Variants in CASD1 observed in about 807,000 individuals in gnomAD.
CASD1 encodes N-acetylneuraminate (7)9-O-acetyltransferase.
In CASD1, 41 loss-of-function variants were observed where a neutral mutation model predicts 100.0. The observed-to-expected ratio is 0.41, with a 90% confidence interval of 0.32 to 0.53. The LOEUF (loss-of-function observed/expected upper bound fraction) is 0.53. Ranked by LOEUF, CASD1 falls within the 20% of genes least tolerant of loss-of-function variation. The probability of loss-of-function intolerance (pLI) is 0.25; values close to 1 mark genes in which losing one functional copy is unlikely to be tolerated. For missense variants in CASD1, 774 were observed against 948.7 expected (o/e 0.82, Z 2.42); for synonymous variants, 321 against 315.6 (o/e 1.02, Z -0.18).
chr7:94,537,405 A>G, intron 8 of CASD1, 67 bp from the exon 9 acceptor site: 2 of 1,415,006 alleles, frequency 1.4e-6, no homozygotes, highest in Non-Finnish European at 1.9e-6. Context: ...TAGTATTCAC[A>G]GGAGAAAATT....
chr7:94,565,987 T>A, the CASD1 span, among the ~76,000 whole-genome samples: 1 of 152,122 alleles, frequency 6.6e-6, no homozygotes, highest in Non-Finnish European at 1.5e-5. Context: ...AGATTACCAT[T>A]GGAAGTGTCA....
At chr7:94,587,913 G>A in the CASD1 span, 3 of 1,468,588 alleles carry the variant, frequency 2.0e-6, no homozygotes, top group Non-Finnish European at 2.7e-6. Flanking sequence ...TTACTTAATA[G>A]TTTCCCTACC....
the CASD1 span, among the ~76,000 whole-genome samples, chr7:94,566,464 A>C: frequency 1.2e-5 from 1 of 86,342 alleles, no homozygotes; most frequent in South Asian, 3.7e-4. Context: ...AGTCAAATTG[A>C]AAAAAAAAAC....
intron 3 of CASD1, among the ~76,000 whole-genome samples, 177 bp from the exon 4 acceptor site, chr7:94,526,985 G>A (rs1423759638): frequency 6.6e-6 from 1 of 152,136 alleles, no homozygotes; most frequent in Non-Finnish European, 1.5e-5. Flanking sequence ...GTGTCACTTT[G>A]TTGTGTTCTA....
chr7:94,627,252 G>A, the CASD1 span: 1 of 152,034 alleles, frequency 6.6e-6, no homozygotes, highest in Admixed American at 6.6e-5. Context: ...CCTCTGAAAG[G>A]CTGTATTCTT....
chr7:94,578,505 T>C, the CASD1 span, among the ~76,000 whole-genome samples: 1 of 152,184 alleles, frequency 6.6e-6, no homozygotes. Context: ...CCACTTTTTT[T>C]CTGTTGGCCT....
chr7:94,613,199 T>C, the CASD1 span, among the ~76,000 whole-genome samples: 2 of 152,198 alleles, frequency 1.3e-5, no homozygotes. Flanking sequence ...AAAAGTATAT[T>C]TATGGCTTCT....
the CASD1 span, chr7:94,629,813 G>A: frequency 4.2e-5 from 68 of 1,610,674 alleles, no homozygotes; most frequent in African/African-American, 2.7e-4. Flanking sequence ...CATTCCGATC[G>A]GAGTGTACCT....
chr7:94,561,462 G>A (rs1160496751), downstream of CASD1, among the ~76,000 whole-genome samples: 3 of 152,042 alleles, frequency 2.0e-5, no homozygotes, highest in Non-Finnish European at 4.4e-5. Flanking sequence ...GGAATTGCGG[G>A]GAGGGCAAAG....
intron 5 of CASD1, 87 bp from the exon 6 acceptor site, chr7:94,533,118 A>G: frequency 1.1e-6 from 1 of 882,822 alleles, no homozygotes; most frequent in Non-Finnish European, 1.7e-6. Context: ...AAGAACTTAC[A>G]TTTTAAGGAA....
chr7:94,588,785 CAG>C, the CASD1 span: 2 of 1,610,350 alleles, frequency 1.2e-6, no homozygotes, highest in Non-Finnish European at 1.7e-6. Context: ...CACTTGTAAA[CAG>C]AGAGCAGACA....
intron 17 of CASD1, among the ~76,000 whole-genome samples, chr7:94,555,143 A>G (rs996015767): frequency 6.6e-6 from 1 of 152,134 alleles, no homozygotes; most frequent in African/African-American, 2.4e-5. Context: ...TTGAAATAGA[A>G]TGTTTTAAAA....
chr7:94,579,359 T>G, the CASD1 span, among the ~76,000 whole-genome samples: 1 of 151,982 alleles, frequency 6.6e-6, no homozygotes, highest in Admixed American at 6.6e-5. Flanking sequence ...CTTAATCACA[T>G]AAAAATTAAA....
intron 15 of CASD1, 29 bp downstream of exon 15, chr7:94,551,507 A>G: frequency 8.5e-7 from 1 of 1,176,206 alleles, no homozygotes; most frequent in Non-Finnish European, 1.2e-6. Flanking sequence ...CCAAAATTCT[A>G]AATGGTATGG....
chr7:94,599,690 CACTT>C, the CASD1 span: 16 of 1,609,396 alleles, frequency 9.9e-6, no homozygotes, highest in African/African-American at 1.9e-4. Flanking sequence ...GGAAAGAAGA[CACTT>C]ACTCTGGTGT....
At chr7:94,570,538 A>G in the CASD1 span, among the ~76,000 whole-genome samples, 1 of 152,136 alleles carries the variant, frequency 6.6e-6, no homozygotes, top group Non-Finnish European at 1.5e-5. Flanking sequence ...TCTGTCACCC[A>G]GGCTGGAGTG....
chr7:94,625,524 A>T, the CASD1 span: 2 of 152,232 alleles, frequency 1.3e-5, no homozygotes, highest in Middle Eastern at 3.4e-3. Flanking sequence ...AGAAGTAGTC[A>T]TTCTGGATTT....
At chr7:94,519,679 A>T (rs989356709) in intron 3 of CASD1, among the ~76,000 whole-genome samples, 15 of 152,134 alleles carry the variant, frequency 9.9e-5, no homozygotes, top group Middle Eastern at 3.4e-3. Flanking sequence ...AATTAAAAAA[A>T]TTTTTTTAAT....
Position 94,555,799 on chromosome 7 carries a change from T to G in CASD1, c.*41T>G. The G allele has an allele frequency of 6.4e-7, 1 of 1,565,246 alleles. No homozygotes were observed. Among genetic ancestry groups the G allele is most frequent in the Non-Finnish European group, 8.7e-7 (1 of 1,154,186 alleles). ...AAAAACCTAAACTCTTCAGGCTACC[T>G]TTGTGTGTCTCTAGAAGAGAAAAGC... On this transcript the variant is annotated 3_prime_UTR_variant, in exon 18 of 18. Transcript: ENST00000297273.
Sources: gnomAD v4.1 joint callset for allele counts (sites outside exome capture counted in the v4.1 genomes callset) on GRCh38, gnomAD v4.1.1 for gene constraint, MANE v1.5 for transcripts, NCBI Gene and HGNC (gene_info 2026-07-23, HGNC 2026-07-21) for gene names.